Variants in MTCL1 observed in about 807,000 individuals in gnomAD.
The protein encoded by MTCL1 is microtubule cross-linking factor 1.
In MTCL1, 79 loss-of-function variants were observed where a neutral mutation model predicts 141.4. That is an observed-to-expected ratio of 0.56 (90% CI 0.47 to 0.67). MTCL1 has a LOEUF of 0.67. MTCL1 is among the 30% of genes least tolerant of loss of function. The pLI is 0.00. For missense variants in MTCL1, 2,177 were observed against 2,113.9 expected, an observed-to-expected ratio of 1.03 and a Z score of -0.59; for synonymous variants, 914 against 875.8, an observed-to-expected ratio of 1.04 and a Z score of -0.77.
chr18:8,710,887 A>ATTTTTTTTTTTTTTTTTTTTTTTTTTTT (rs1491465470), intron 1 of MTCL1, among the ~76,000 whole-genome samples: 1 of 20,646 alleles, frequency 4.8e-5, no homozygotes, highest in Non-Finnish European at 9.3e-5. Flanking sequence ...TTTTTTTTTT[A>ATTTTTTTTTTTTTTTTTTTTTTTTTTTT]CTTTTTTTTT....
chr18:8,800,528 T>C (rs1212941034), intron 10 of MTCL1: 1 of 152,246 alleles, frequency 6.6e-6, no homozygotes, highest in African/African-American at 2.4e-5. Flanking sequence ...AGACATTCCC[T>C]GTTTCCCTGT....
At chr18:8,736,949 A>G (rs1031846983) in intron 4 of MTCL1, among the ~76,000 whole-genome samples, 2 of 152,102 alleles carry the variant, frequency 1.3e-5, no homozygotes, top group South Asian at 2.1e-4. Flanking sequence ...CTATCCATCT[A>G]TTTTTAAAGT....
In MTCL1 at chr18:8,786,339, T is replaced by C. The variant is rs937298276; in HGVS notation, c.1887+248T>C. The C allele has an allele frequency of 8.7e-6, 6 of 685,912 alleles. No homozygotes were observed. The Middle Eastern group carries it at 7.0e-4, about 80-fold the overall frequency. 42.5% of individuals were successfully genotyped at this position (685,912 alleles called of 1,614,324 possible). On this transcript the variant is annotated intron_variant, in intron 7 of 16. Coordinates refer to ENST00000359865, the Ensembl canonical transcript of MTCL1. The stretch of plus-strand genomic sequence containing the variant: ...CAGCTCACTGTAGGCACTGTCCACC[T>C]CCTGTTTCCGCAGACCGGGAGCACC...
intron 11 of MTCL1, among the ~76,000 whole-genome samples, chr18:8,812,099 G>A (rs201891974): frequency 1.6e-5 from 1 of 63,916 alleles, no homozygotes; most frequent in Non-Finnish European, 3.3e-5. Flanking sequence ...ACAACACACT[G>A]TAACAATTTT....
At chr18:8,815,371 C>CA (rs574973572) in intron 12 of MTCL1, among the ~76,000 whole-genome samples, 22 of 151,992 alleles carry the variant, frequency 1.4e-4, no homozygotes, top group African/African-American at 5.3e-4. Flanking sequence ...GTCGCAAGGA[C>CA]AAAAAACCGA....
chr18:8,740,441 G>A (rs752423464), intron 4 of MTCL1, among the ~76,000 whole-genome samples: 8 of 152,084 alleles, frequency 5.3e-5, no homozygotes, highest in African/African-American at 1.7e-4. Flanking sequence ...GATACCATGC[G>A]GCCCAAGGAA....
rs1442884877 is a variant in MTCL1 at position 8,809,466 on chromosome 18, A to G, written c.2604+2406A>G. 2.6e-6 allele frequency: 4 copies of G among 1,535,618 alleles called. No individual in the cohort carries two copies. The South Asian group carries it at 4.8e-5, about 18-fold the overall frequency. ...CCGTTAGAATTGTTGTGGATATCCC[A>G]GAATTAACATTGAGGAGGAGACTTT... On this transcript the variant is annotated intron_variant, in intron 11 of 16. Coordinates refer to ENST00000359865, the Ensembl canonical transcript of MTCL1.
intron 15 of MTCL1, among the ~76,000 whole-genome samples, chr18:8,827,625 C>T (rs1366456329): frequency 1.3e-5 from 2 of 152,136 alleles, no homozygotes; most frequent in Admixed American, 6.5e-5. Flanking sequence ...GTCCTCCTGC[C>T]GTGGAACGGT....
chr18:8,785,161 C>G (rs922782894), intron 6 of MTCL1, among the ~76,000 whole-genome samples: 1 of 152,102 alleles, frequency 6.6e-6, no homozygotes, highest in African/African-American at 2.4e-5. Context: ...TAGGGCTCGA[C>G]GCATGCCGGC....
chr18:8,789,496 C>T, intron 7 of MTCL1: 1 of 985,400 alleles, frequency 1.0e-6, no homozygotes, highest in Non-Finnish European at 1.2e-6. Flanking sequence ...ATTTGTAAGC[C>T]ACTTTCTCTG....
chr18:8,782,952 G>A (rs2096537713), intron 5 of MTCL1, among the ~76,000 whole-genome samples: 1 of 152,224 alleles, frequency 6.6e-6, no homozygotes, highest in African/African-American at 2.4e-5. Flanking sequence ...AGGTACCTTA[G>A]GAAACCAGGG....
intron 4 of MTCL1, 59 bp downstream of exon 3, chr18:8,720,555 T>A (rs1354948793): frequency 6.5e-7 from 1 of 1,527,610 alleles, no homozygotes; most frequent in Admixed American, 2.0e-5. Context: ...AGCTTGGAAC[T>A]CCAAGTGCCC....
chr18:8,806,968 G>A lies in MTCL1; in HGVS notation c.2512G>A (p.Glu838Lys), dbSNP rs2076320170. Residue 838 changes from glutamate to lysine, a missense_variant, in exon 11 of 17, where the codon GAG (glutamate) becomes AAG (lysine). Transcript: ENST00000359865. ...CTTCCGTGCGGAGCTGCGGGAGGATGAGCGTGCCCGACTACGGCTGCAGCA... is the reference window on the plus strand; with the variant it reads ...CTTCCGTGCGGAGCTGCGGGAGGATAAGCGTGCCCGACTACGGCTGCAGCA... 2.5e-6 allele frequency: 4 copies of A among 1,613,802 alleles called. No individual in the cohort carries two copies. The highest frequency in any genetic ancestry group is 3.4e-6 in the Non-Finnish European group (4 of 1,180,020).
At chr18:8,784,234 C>T (rs1302344043) in exon 6 of MTCL1, 1 of 1,609,060 alleles carries the variant, frequency 6.2e-7, no homozygotes, top group Non-Finnish European at 8.5e-7. Flanking sequence ...TGGCAGCCCA[C>T]CTGGGGCTGC....
intron 12 of MTCL1, among the ~76,000 whole-genome samples, chr18:8,817,860 T>A (rs2144329705): frequency 6.6e-6 from 1 of 152,316 alleles, no homozygotes; most frequent in East Asian, 1.9e-4. Context: ...TAGGCGGAAA[T>A]AGCTTCAGGT....
At chr18:8,825,982 G>A in exon 15 of MTCL1, 2 of 1,598,962 alleles carry the variant, frequency 1.3e-6, no homozygotes, top group Non-Finnish European at 1.7e-6. Flanking sequence ...AATTCCCGAG[G>A]AAGGTCGCCT....
exon 7 of MTCL1, chr18:8,786,025 G>A (rs778373379): frequency 1.9e-6 from 3 of 1,606,382 alleles, no homozygotes; most frequent in Non-Finnish European, 8.5e-7. Flanking sequence ...CGCGGGAGCT[G>A]CACCGCCGCG....
In MTCL1 at chr18:8,784,132, A is replaced by G. The variant is rs754943086; in HGVS notation, c.1020A>G (p.Ser340=). ...CCCCCCTGCAGGAGGAGCTGAAGTC[A>G]GCCAGGCTGCAGATCAGCGAGCTCA... Residue 340 remains serine (S), a synonymous_variant, in exon 6 of 17, where the codon TCA becomes TCG. Transcript: ENST00000359865. The G allele has an allele frequency of 6.8e-6, 11 of 1,613,646 alleles. No individual in the cohort carries two copies. In the Admixed American group the frequency reaches 1.0e-4, roughly 15 times the overall value.
intron 5 of MTCL1, among the ~76,000 whole-genome samples, chr18:8,780,594 C>A (rs1050218804): frequency 1.3e-5 from 2 of 152,198 alleles, no homozygotes; most frequent in Non-Finnish European, 2.9e-5. Context: ...CTCAAGTTAA[C>A]AATGGGGCTG....
Sources: gnomAD v4.1 joint callset for allele counts (sites outside exome capture counted in the v4.1 genomes callset) on GRCh38, gnomAD v4.1.1 for gene constraint, MANE v1.5 for transcripts, NCBI Gene and HGNC (gene_info 2026-07-23, HGNC 2026-07-21) for gene names.